Variants in LMO7 observed in about 807,000 individuals in gnomAD.
LMO7 encodes the protein LIM domain 7, also known as LIM domain only protein 7.
LMO7 carries 120 observed loss-of-function variants against 206.5 expected under a neutral mutation model. The observed-to-expected ratio is 0.58, with a 90% CI of 0.50 to 0.68. The LOEUF (loss-of-function observed/expected upper bound fraction) is 0.68. LMO7 is among the 30% of genes least tolerant of loss of function. The probability of loss-of-function intolerance (pLI) is 0.00; values close to 1 mark genes in which losing one functional copy is unlikely to be tolerated. For missense variants in LMO7, 1,959 were observed against 1,957.9 expected, an observed-to-expected ratio of 1.00 and a Z score of -0.01; for synonymous variants, 706 against 681.5, an observed-to-expected ratio of 1.04 and a Z score of -0.56.
At chr13:75,747,425 A>G (rs1022937381) in intron 3 of LMO7, among the ~76,000 whole-genome samples, 3 of 152,194 alleles carry the variant, frequency 2.0e-5, no homozygotes, top group Non-Finnish European at 4.4e-5. Context: ...TACGGATGCT[A>G]CAATGAAAAG....
At chr13:75,692,154 A>G (rs1258259476) in intron 1 of LMO7, among the ~76,000 whole-genome samples, 2 of 152,036 alleles carry the variant, frequency 1.3e-5, no homozygotes, top group East Asian at 1.9e-4. Context: ...AGTATTTTCA[A>G]ACTTGCTCTA....
intron 1 of LMO7, among the ~76,000 whole-genome samples, chr13:75,680,265 A>G (rs2040364034): frequency 6.6e-6 from 1 of 152,178 alleles, no homozygotes; most frequent in Admixed American, 6.5e-5. Context: ...TCCATGGTGT[A>G]TATGTACCAC....
At chr13:75,848,431 T>TTATCTACCTATC (rs1555348053) in intron 26 of LMO7, among the ~76,000 whole-genome samples, 4 of 150,520 alleles carry the variant, frequency 2.7e-5, no homozygotes, top group African/African-American at 9.8e-5. Flanking sequence ...TTCCATGCGA[T>TTATCTACCTATC]TATCTATCTA....
chr13:75,733,032 T>C (rs2045417151), intron 3 of LMO7, among the ~76,000 whole-genome samples: 1 of 152,184 alleles, frequency 6.6e-6, no homozygotes, highest in African/African-American at 2.4e-5. Flanking sequence ...AGTCTGCCCC[T>C]ACTGGGGGGT....
At chr13:75,762,883 G>C (rs1784665290) in intron 4 of LMO7, among the ~76,000 whole-genome samples, 1 of 152,096 alleles carries the variant, frequency 6.6e-6, no homozygotes, top group African/African-American at 2.4e-5. Flanking sequence ...GGAAGCACTG[G>C]AGCCTCCCAG....
At chr13:75,685,618 CT>C (rs1286809893) in intron 1 of LMO7, among the ~76,000 whole-genome samples, 2 of 152,004 alleles carry the variant, frequency 1.3e-5, no homozygotes, top group Non-Finnish European at 2.9e-5. Context: ...ACCAAAATGG[CT>C]GCCAAAGAAC....
chr13:75,717,277 G>C (rs1489968085), intron 2 of LMO7, among the ~76,000 whole-genome samples: 2 of 151,054 alleles, frequency 1.3e-5, no homozygotes, highest in Non-Finnish European at 2.9e-5. Flanking sequence ...GCAGGAGAAT[G>C]GCGTGAACCT....
In LMO7 at chr13:75,853,476, T is replaced by C. The variant is rs374489777; in HGVS notation, c.4661+88T>C. The C allele has an allele frequency of 1.4e-5, 18 of 1,272,658 alleles. No homozygotes were observed. In the East Asian group the frequency reaches 1.5e-4, roughly 11 times the overall value. The allele number at this position is 1,272,658 out of a possible 1,614,324, so 78.8% of individuals were successfully genotyped here. A position where few individuals can be genotyped will look rare whatever the true frequency, so the allele number is the denominator to read the frequency against. On this transcript the variant is annotated intron_variant, in intron 28 of 30. Coordinates refer to ENST00000377534, the MANE Select transcript of LMO7 (RefSeq NM_001306080.2). ...CCCAAATCCTGTCCAAGTTTTCCAA[T>C]GAAGAAGAAAAAGAAGCCCTTTTGA...
At position 75,770,178 on chromosome 13, in the gene LMO7, A is replaced by ATT. The variant is rs35265420; in HGVS notation, c.317+9151_317+9152dup. ...GAATCCTTGTTTGTTTTGGTGATGAATTTTTTTTTTTTCCCCACCGAAGGG... is the reference window on the plus strand; with the variant it reads ...GAATCCTTGTTTGTTTTGGTGATGAATTTTTTTTTTTTTTCCCCACCGAAGGG... On this transcript the variant is annotated intron_variant, in intron 4 of 30. Coordinates refer to ENST00000377534, the MANE Select transcript of LMO7 (RefSeq NM_001306080.2). 1.7e-3 allele frequency among the ~76,000 whole-genome samples: 255 copies of ATT among 146,484 alleles called. 3 individuals carry two copies. In the East Asian group the frequency reaches 0.025, roughly 15 times the overall value.
rs186997468 is a variant in LMO7 at position 75,773,684 on chromosome 13, C to T, written c.317+12646C>T. Among the ~76,000 whole-genome samples, 10 of 152,190 alleles carry T rather than the reference C, an allele frequency of 6.6e-5. No homozygotes were observed. In the East Asian group the frequency reaches 1.9e-3, roughly 29 times the overall value. On this transcript the variant is annotated intron_variant, in intron 4 of 30. Transcript: ENST00000377534. ...ACAGAAAAGGTAGCTGATTTGGAGG[C>T]AAGAGATGGAAATTAATTTTTTGAC...
At chr13:75,649,089 T>C (rs2037317245) in intron 1 of LMO7, among the ~76,000 whole-genome samples, 1 of 152,230 alleles carries the variant, frequency 6.6e-6, no homozygotes, top group African/African-American at 2.4e-5. Context: ...GTTGAATTGT[T>C]CTGTGGGCAG....
At chr13:75,663,652 G>A (rs2038848052) in intron 1 of LMO7, among the ~76,000 whole-genome samples, 1 of 151,798 alleles carries the variant, frequency 6.6e-6, no homozygotes, top group Non-Finnish European at 1.5e-5. Flanking sequence ...GGATGGTCTC[G>A]ATCTCATGAC....
chr13:75,838,392 A>G (rs886939567), intron 20 of LMO7, 196 bp downstream of exon 20: 2 of 1,418,988 alleles, frequency 1.4e-6, no homozygotes, highest in Non-Finnish European at 1.9e-6. Flanking sequence ...CTCTGTGGTA[A>G]TGGGTCTTTG....
intron 14 of LMO7, among the ~76,000 whole-genome samples, chr13:75,822,942 G>T (rs1158059781): frequency 1.3e-5 from 2 of 151,382 alleles, no homozygotes; most frequent in East Asian, 3.9e-4. Flanking sequence ...AGTAGTTTTG[G>T]AAGTGACAGA....
At chr13:75,631,613 A>C (rs1400807434), upstream of LMO7, 2 of 152,314 alleles carry the variant, frequency 1.3e-5, no homozygotes, top group Non-Finnish European at 2.9e-5. Context: ...GGTCTACTGT[A>C]AAGGCCTATC....
chr13:75,781,423 C>T (rs575204649), intron 4 of LMO7, among the ~76,000 whole-genome samples: 2 of 150,610 alleles, frequency 1.3e-5, no homozygotes, highest in South Asian at 4.3e-4. Flanking sequence ...TGATGATTTC[C>T]AATTTCATCC....
rs146470518 is a variant in LMO7 at position 75,749,540 on chromosome 13, G to A, written c.211-11392G>A. On this transcript the variant is annotated intron_variant, in intron 3 of 30. Transcript: ENST00000377534. ...GTAGTTAATTGTAACCCGAGTGGAT[G>A]AAGCATTTCAACTAGCCTTTACCAG... is the stretch of plus-strand genomic sequence containing the variant. Among the ~76,000 whole-genome samples, 11 of 152,290 alleles carry A rather than the reference G, an allele frequency of 7.2e-5. No homozygotes were observed. The East Asian group carries it at 2.1e-3, about 29-fold the overall frequency.
rs755067327 is a variant in LMO7 at position 75,833,124 on chromosome 13, A to G, written c.3023A>G (p.Lys1008Arg). The stretch of plus-strand genomic sequence containing the variant: ...AGTCTTGACTTTGGGTTTACAATAA[A>G]ATGGGATATTCCTGGGATCTTCGTA... ...GKSLDFGFTIKWDIPGIFVAS... is the reference protein window; with the variant it reads ...GKSLDFGFTIRWDIPGIFVAS... The change falls in exon 16 of 31, where the codon AAA (lysine) becomes AGA (arginine). Residue 1008 changes from lysine (K) to arginine (R), a missense_variant. Coordinates refer to ENST00000377534, the MANE Select transcript of LMO7 (RefSeq NM_001306080.2). The G allele has an allele frequency of 1.2e-6, 2 of 1,609,844 alleles. No homozygotes were observed. Among genetic ancestry groups the G allele is most frequent in the Non-Finnish European group, 1.7e-6 (2 of 1,176,250 alleles).
At chr13:75,783,814 G>A (rs2051948815) in intron 4 of LMO7, among the ~76,000 whole-genome samples, 1 of 152,064 alleles carries the variant, frequency 6.6e-6, no homozygotes, top group African/African-American at 2.4e-5. Context: ...TGGTCTGATG[G>A]TATGTTTTTC....
Sources: gnomAD v4.1 joint callset for allele counts (sites outside exome capture counted in the v4.1 genomes callset) on GRCh38, gnomAD v4.1.1 for gene constraint, MANE v1.5 for transcripts, NCBI Gene and HGNC (gene_info 2026-07-23, HGNC 2026-07-21) for gene names.